Variants in MTDH observed in about 807,000 individuals in gnomAD.
MTDH encodes the protein protein LYRIC.
Under a neutral mutation model 72.7 loss-of-function variants are expected in MTDH, and 34 were observed. The observed-to-expected ratio is 0.47, with a 90% CI of 0.36 to 0.62. The LOEUF is 0.62. Among genes scored for constraint, MTDH ranks in the 20% least tolerant of loss-of-function variants. MTDH has a pLI of 0.00. For synonymous variants in MTDH, 266 were observed against 268.9 expected (o/e 0.99, Z 0.10); for missense variants, 677 against 699.4 (o/e 0.97, Z 0.36).
At chr8:97,645,295 C>T (rs1471228408) in intron 1 of MTDH, among the ~76,000 whole-genome samples, 1 of 152,170 alleles carries the variant, frequency 6.6e-6, no homozygotes, top group Non-Finnish European at 1.5e-5. Context: ...GCTCGGAAGA[C>T]AGATGTCTAT....
chr8:97,680,568 T>C (rs559539835), intron 2 of MTDH, among the ~76,000 whole-genome samples: 1 of 152,234 alleles, frequency 6.6e-6, no homozygotes, highest in Non-Finnish European at 1.5e-5. Flanking sequence ...AAGATTTTTT[T>C]CTAATGGGAC....
At chr8:97,661,979 C>T (rs1812188926) in intron 2 of MTDH, among the ~76,000 whole-genome samples, 1 of 150,942 alleles carries the variant, frequency 6.6e-6, no homozygotes, top group African/African-American at 2.4e-5. Flanking sequence ...GTGAGATTTT[C>T]CAAGTAAGAC....
intron 6 of MTDH, among the ~76,000 whole-genome samples, chr8:97,697,513 G>GT (rs1267440528): frequency 1.3e-5 from 2 of 148,744 alleles, no homozygotes; most frequent in African/African-American, 5.0e-5. Context: ...GGCGTCCCAT[G>GT]TATCTGGTAC....
intron 2 of MTDH, among the ~76,000 whole-genome samples, chr8:97,661,425 A>G (rs914017199): frequency 6.6e-5 from 10 of 152,216 alleles, no homozygotes; most frequent in Admixed American, 2.6e-4. Flanking sequence ...ACCAAAAACA[A>G]TTCATTCACA....
Position 97,713,078 on chromosome 8 carries a change from T to A in MTDH, c.1273-584T>A, listed in dbSNP as rs199641001. ...CCTATTCAGTGAGTTTTTAATTTTT[T>A]ATTTTTATTTATTTATTTATTTTTG... On this transcript the variant is annotated intron_variant, in intron 8 of 11. Transcript: ENST00000336273. 2.8e-4 allele frequency among the ~76,000 whole-genome samples: 43 copies of A among 152,264 alleles called. No homozygotes were observed. The East Asian group carries it at 5.2e-3, about 18-fold the overall frequency.
At chr8:97,644,938 G>C in intron 1 of MTDH, 51 bp downstream of exon 1, 1 of 1,482,080 alleles carries the variant, frequency 6.7e-7, no homozygotes, top group Non-Finnish European at 8.9e-7. Flanking sequence ...CGGGCGTGGA[G>C]ACCCTCGAGC....
chr8:97,722,250 G>A lies in MTDH; in HGVS notation c.1522-629G>A, dbSNP rs144643795. 3.2e-4 allele frequency among the ~76,000 whole-genome samples: 49 copies of A among 151,410 alleles called. 2 individuals are homozygous for A. In the East Asian group the frequency reaches 8.1e-3, roughly 25 times the overall value. ...TGCACTCTAGGCTAGGCCATAGAGC[G>A]ATACTCTGTCTCAAAAAAGAAAAGC... On this transcript the variant is annotated intron_variant, in intron 10 of 11. Transcript: ENST00000336273.
At chr8:97,693,893 T>C (rs1476744608) in intron 6 of MTDH, among the ~76,000 whole-genome samples, 2 of 151,766 alleles carry the variant, frequency 1.3e-5, no homozygotes, top group Non-Finnish European at 2.9e-5. Context: ...TTTTGGTATT[T>C]TTTTGTAGAG....
At chr8:97,644,909 G>A in intron 1 of MTDH, 22 bp downstream of exon 1, 2 of 1,516,578 alleles carry the variant, frequency 1.3e-6, no homozygotes, top group East Asian at 2.5e-5. Flanking sequence ...ATGAGCGGCA[G>A]TAGAGAACGG....
chr8:97,696,203 G>A, intron 6 of MTDH: 1 of 983,380 alleles, frequency 1.0e-6, no homozygotes, highest in South Asian at 4.7e-5. Flanking sequence ...TATTTTAACA[G>A]CTGCTTGGTC....
At chr8:97,648,375 G>C (rs1326532354) in intron 1 of MTDH, among the ~76,000 whole-genome samples, 1 of 151,394 alleles carries the variant, frequency 6.6e-6, no homozygotes, top group Non-Finnish European at 1.5e-5. Context: ...TTTTTCACTT[G>C]ATTTTTAATC....
At chr8:97,699,888 CAG>C (rs1176531271) in intron 7 of MTDH, 36 bp downstream of exon 7, 16 of 1,377,208 alleles carry the variant, frequency 1.2e-5, no homozygotes, top group Non-Finnish European at 1.4e-5. Context: ...TATTTTTTTT[CAG>C]AGTTTTCTTT....
At chr8:97,719,012 T>C (rs1368062983) in intron 9 of MTDH, 37 bp from the exon 10 acceptor site, 1 of 1,531,322 alleles carries the variant, frequency 6.5e-7, no homozygotes, top group Non-Finnish European at 8.9e-7. Flanking sequence ...GAAGAATGAA[T>C]GCTTTATATA....
chr8:97,671,515 TTAATA>T (rs1230126120), intron 2 of MTDH, among the ~76,000 whole-genome samples: 1 of 152,152 alleles, frequency 6.6e-6, no homozygotes, highest in Non-Finnish European at 1.5e-5. Flanking sequence ...TTGTTATAAA[TTAATA>T]TATCTAAACA....
chr8:97,708,795 T>G (rs1287267619), intron 8 of MTDH, among the ~76,000 whole-genome samples: 2 of 150,892 alleles, frequency 1.3e-5, no homozygotes, highest in Non-Finnish European at 3.0e-5. Flanking sequence ...AGACGAGTTT[T>G]TGCCATGTTA....
At chr8:97,687,682 C>T (rs528977787) in intron 4 of MTDH, 77 bp downstream of exon 4, 1 of 1,232,214 alleles carries the variant, frequency 8.1e-7, no homozygotes, top group South Asian at 1.6e-5. Flanking sequence ...ATCATTATGT[C>T]AAAATCTGAC....
chr8:97,647,461 G>T (rs1811611019), intron 1 of MTDH, among the ~76,000 whole-genome samples: 1 of 152,134 alleles, frequency 6.6e-6, no homozygotes, highest in Admixed American at 6.5e-5. Flanking sequence ...TATTCTGGAG[G>T]CTGAGGTTGG....
chr8:97,690,987 G>A lies in MTDH; in HGVS notation c.847G>A (p.Gly283Arg), dbSNP rs1341728441. 6.2e-7 allele frequency: 1 copy of A among 1,613,492 alleles called. No individual in the cohort carries two copies. The highest frequency in any genetic ancestry group is 2.2e-5 in the East Asian group (1 of 44,890). Residue 283 changes from glycine to arginine, a missense_variant, in exon 6 of 12, where the codon GGA becomes AGA. This residue lies in a region of MTDH where 467 missense variants were observed against 469.1 expected (regional missense o/e 1.00). Transcript: ENST00000336273. ...ATTGAATGAAAACCTCACTGTCAAT[G>A]GAGGAGGCTGGAATGAAAAGTCTGT... ...SGLNENLTVN[G>R]GGWNEKSVKL...
chr8:97,683,167 C>G (rs189904114), intron 2 of MTDH, among the ~76,000 whole-genome samples: 6 of 142,222 alleles, frequency 4.2e-5, no homozygotes, highest in Non-Finnish European at 9.0e-5. Context: ...CAGATTCAAG[C>G]GATTCTACTG....
Sources: allele counts gnomAD v4.1 joint callset (sites outside exome capture counted in the v4.1 genomes callset), GRCh38; gene constraint gnomAD v4.1.1; regional missense constraint gnomAD v4.1.1; transcripts MANE v1.5; gene names NCBI Gene and HGNC (gene_info 2026-07-23, HGNC 2026-07-21).